CTNNA3: variants seen among roughly 807,000 people sequenced by gnomAD.
CTNNA3 encodes catenin alpha 3, also known as catenin alpha-3.
In CTNNA3, 76 loss-of-function variants were observed where a neutral mutation model predicts 95.7. The ratio of observed to expected loss-of-function variants is 0.79; its 90% CI spans 0.66 to 0.96. The LOEUF (loss-of-function observed/expected upper bound fraction) is 0.96, where lower values mean the gene tolerates loss of function less well. Among genes scored for constraint, CTNNA3 ranks in the 40% least tolerant of loss-of-function variants. CTNNA3 has a pLI of 0.00. For synonymous variants in CTNNA3, 431 were observed against 374.4 expected, an observed-to-expected ratio of 1.15 and a Z score of -1.74; for missense variants, 1,191 against 1,089.8, an observed-to-expected ratio of 1.09 and a Z score of -1.31.
At chr10:67,463,818 T>C (rs1218843999) in intron 5 of CTNNA3, among the ~76,000 whole-genome samples, 1 of 152,208 alleles carries the variant, frequency 6.6e-6, no homozygotes, top group Non-Finnish European at 1.5e-5. Context: ...TTTTTTATAA[T>C]GAGCATGGCT....
chr10:66,953,020 T>C (rs1006129686), intron 7 of CTNNA3, among the ~76,000 whole-genome samples: 2 of 152,060 alleles, frequency 1.3e-5, no homozygotes, highest in African/African-American at 4.8e-5. Context: ...CACTATGTTC[T>C]TTACCTTCCA....
intron 5 of CTNNA3, among the ~76,000 whole-genome samples, chr10:67,402,344 T>C (rs895568510): frequency 1.3e-5 from 2 of 152,186 alleles, no homozygotes; most frequent in African/African-American, 4.8e-5. Flanking sequence ...GGAAAGAATC[T>C]GAGAGCTCAA....
chr10:67,127,765 T>C (rs1465868314), intron 7 of CTNNA3, among the ~76,000 whole-genome samples: 1 of 152,166 alleles, frequency 6.6e-6, no homozygotes, highest in African/African-American at 2.4e-5. Flanking sequence ...TTACATTATA[T>C]CTGTAACAAG....
chr10:67,013,741 AG>A (rs1852482173), intron 7 of CTNNA3, among the ~76,000 whole-genome samples: 1 of 152,162 alleles, frequency 6.6e-6, no homozygotes, highest in African/African-American at 2.4e-5. Context: ...TCCTTTAAAG[AG>A]GTTGACAGTT....
chr10:66,469,932 A>G (rs1589294161), intron 11 of CTNNA3, among the ~76,000 whole-genome samples: 2 of 151,894 alleles, frequency 1.3e-5, no homozygotes, highest in East Asian at 1.9e-4. Context: ...AAGTTTGACT[A>G]TAAAATAAAA....
At chr10:66,903,662 T>G (rs1158057714) in intron 7 of CTNNA3, among the ~76,000 whole-genome samples, 2 of 152,178 alleles carry the variant, frequency 1.3e-5, no homozygotes, top group African/African-American at 4.8e-5. Flanking sequence ...CTTAAGCTGA[T>G]AAGCAACTTC....
intron 1 of CTNNA3, among the ~76,000 whole-genome samples, chr10:67,727,834 T>C: frequency 7.7e-6 from 1 of 129,934 alleles, no homozygotes; most frequent in Admixed American, 8.6e-5. Flanking sequence ...ATATTACATA[T>C]AATATAGTAT....
chr10:66,811,929 A>T (rs1454042015), intron 7 of CTNNA3, among the ~76,000 whole-genome samples: 2 of 152,176 alleles, frequency 1.3e-5, no homozygotes, highest in African/African-American at 4.8e-5. Context: ...AGTTTCTGAG[A>T]TACTATCGGT....
chr10:67,703,180 C>A (rs536764734), intron 1 of CTNNA3, among the ~76,000 whole-genome samples: 16 of 152,246 alleles, frequency 1.1e-4, no homozygotes, highest in Non-Finnish European at 2.2e-4. Flanking sequence ...GATTCACAGC[C>A]GAATTCTACC....
intron 12 of CTNNA3, among the ~76,000 whole-genome samples, chr10:66,351,250 T>C (rs754753263): frequency 2.0e-5 from 3 of 152,048 alleles, no homozygotes; most frequent in Non-Finnish European, 4.4e-5. Flanking sequence ...ATGTACTATG[T>C]GCCAAGTGCT....
intron 3 of CTNNA3, among the ~76,000 whole-genome samples, chr10:67,599,862 A>G: frequency 6.6e-6 from 1 of 152,230 alleles, no homozygotes. Context: ...ACTTTTTTGT[A>G]AAAATTAACA....
At chr10:67,060,612 T>C (rs1022229732) in intron 7 of CTNNA3, among the ~76,000 whole-genome samples, 2 of 152,152 alleles carry the variant, frequency 1.3e-5, no homozygotes, top group African/African-American at 2.4e-5. Flanking sequence ...TGGGTTAAGG[T>C]AGCAAAAATC....
chr10:66,114,374 G>A (rs373776812), intron 13 of CTNNA3, among the ~76,000 whole-genome samples: 1 of 150,204 alleles, frequency 6.7e-6, no homozygotes, highest in South Asian at 2.1e-4. Flanking sequence ...GTGTGTGTGT[G>A]TATATATGTG....
At chr10:66,619,768 A>C (rs910038492) in intron 10 of CTNNA3, among the ~76,000 whole-genome samples, 5 of 152,012 alleles carry the variant, frequency 3.3e-5, no homozygotes, top group African/African-American at 1.2e-4. Context: ...CCATATGGCC[A>C]TATGTGAAAA....
chr10:66,690,430 T>C (rs1272898549), intron 9 of CTNNA3, among the ~76,000 whole-genome samples: 1 of 151,782 alleles, frequency 6.6e-6, no homozygotes, highest in Non-Finnish European at 1.5e-5. Context: ...ACCCATTAAC[T>C]CGTCATTTAG....
At chr10:67,562,201 G>C (rs1045538153) in intron 3 of CTNNA3, among the ~76,000 whole-genome samples, 4 of 152,132 alleles carry the variant, frequency 2.6e-5, no homozygotes, top group African/African-American at 9.7e-5. Context: ...GAGAATTTTA[G>C]ACCAATATCC....
intron 5 of CTNNA3, among the ~76,000 whole-genome samples, chr10:67,426,522 T>C (rs1845928974): frequency 6.6e-6 from 1 of 152,064 alleles, no homozygotes. Context: ...TGGATGAAGC[T>C]GGAAATCATC....
chr10:66,440,119 A>G (rs1158161831), intron 11 of CTNNA3, among the ~76,000 whole-genome samples: 1 of 152,168 alleles, frequency 6.6e-6, no homozygotes, highest in African/African-American at 2.4e-5. Flanking sequence ...TCCAATAAAT[A>G]TTATTGTTCA....
chr10:65,965,801 C>T (rs1048249384), intron 17 of CTNNA3, among the ~76,000 whole-genome samples: 3 of 151,712 alleles, frequency 2.0e-5, no homozygotes, highest in Admixed American at 1.3e-4. Context: ...GATAGAGAGG[C>T]CCTATATGTT....
Sources: gnomAD v4.1 joint callset for allele counts (sites outside exome capture counted in the v4.1 genomes callset) on GRCh38, gnomAD v4.1.1 for gene constraint, MANE v1.5 for transcripts, NCBI Gene and HGNC (gene_info 2026-07-23, HGNC 2026-07-21) for gene names.